The following TANGO6 variants were observed in gnomAD, a reference collection of about 807,000 sequenced individuals.
TANGO6 encodes the protein transport and Golgi organization protein 6 homolog.
In TANGO6, 90 loss-of-function variants were observed where a neutral mutation model predicts 114.2. The observed-to-expected ratio is 0.79, with a 90% CI of 0.66 to 0.94. The LOEUF is 0.94. TANGO6 is among the 40% of genes least tolerant of loss of function. The pLI is 0.00. For missense variants in TANGO6, 1,274 were observed against 1,315.3 expected, an observed-to-expected ratio of 0.97 and a Z score of 0.49; for synonymous variants, 477 against 509.8, an observed-to-expected ratio of 0.94 and a Z score of 0.87.
intron 14 of TANGO6, among the ~76,000 whole-genome samples, chr16:68,937,002 G>C (rs924230453): frequency 2.6e-5 from 4 of 152,220 alleles, no homozygotes; most frequent in Admixed American, 1.3e-4. Flanking sequence ...AGCCCGGAAG[G>C]GGGAAGGTAG....
At chr16:69,005,519 C>T (rs561198893) in intron 15 of TANGO6, among the ~76,000 whole-genome samples, 47 of 152,204 alleles carry the variant, frequency 3.1e-4, no homozygotes, top group African/African-American at 1.0e-3. Flanking sequence ...CGGCCAGGCA[C>T]GGTGGCTCAT....
At chr16:68,955,255 G>A (rs1004821377) in intron 14 of TANGO6, among the ~76,000 whole-genome samples, 1 of 152,192 alleles carries the variant, frequency 6.6e-6, no homozygotes, top group Non-Finnish European at 1.5e-5. Context: ...TATTTAGTTT[G>A]TAAAGTGATT....
chr16:69,008,231 C>G (rs924523309), intron 15 of TANGO6, among the ~76,000 whole-genome samples: 6 of 152,174 alleles, frequency 3.9e-5, no homozygotes, highest in Non-Finnish European at 7.3e-5. Context: ...CACACAGCCT[C>G]CTTCACTATC....
intron 7 of TANGO6, among the ~76,000 whole-genome samples, chr16:68,888,852 G>A (rs893156947): frequency 1.3e-5 from 2 of 152,096 alleles, no homozygotes; most frequent in African/African-American, 4.8e-5. Flanking sequence ...TCGCTCTGTC[G>A]CCCAGGCTGG....
chr16:68,913,468 G>A (rs1002701907), intron 11 of TANGO6, among the ~76,000 whole-genome samples: 2 of 146,114 alleles, frequency 1.4e-5, no homozygotes, highest in Non-Finnish European at 3.0e-5. Flanking sequence ...GAGTGCAGCA[G>A]CGCAATCTCG....
At chr16:68,861,032 A>T (rs9939701) in intron 2 of TANGO6, among the ~76,000 whole-genome samples, 21,279 of 152,140 alleles carry the variant, frequency 0.14, 1,967 homozygotes, top group African/African-American at 0.26. Flanking sequence ...TTAGGGGTAT[A>T]TGCCCATTTT....
At chr16:68,938,917 A>G (rs904795830) in intron 14 of TANGO6, among the ~76,000 whole-genome samples, 1 of 151,858 alleles carries the variant, frequency 6.6e-6, no homozygotes, top group Non-Finnish European at 1.5e-5. Context: ...AGCAGTAAGA[A>G]CAAAGCCGGC....
intron 17 of TANGO6, among the ~76,000 whole-genome samples, chr16:69,067,157 G>A (rs966710655): frequency 5.9e-5 from 9 of 152,236 alleles, no homozygotes; most frequent in African/African-American, 1.2e-4. Flanking sequence ...TTTACCTCCC[G>A]AAGTGCCGGG....
chr16:68,918,594 A>G (rs1963043502), intron 11 of TANGO6, among the ~76,000 whole-genome samples: 1 of 152,260 alleles, frequency 6.6e-6, no homozygotes, highest in African/African-American at 2.4e-5. Flanking sequence ...GGAGTAGCAT[A>G]TTAAAACATT....
intron 17 of TANGO6, among the ~76,000 whole-genome samples, chr16:69,056,005 C>G (rs1960027119): frequency 1.3e-5 from 2 of 151,682 alleles, no homozygotes; most frequent in South Asian, 4.2e-4. Flanking sequence ...TGCCATTGCA[C>G]TCCACCCTGG....
At chr16:69,001,395 A>G (rs1409461067) in intron 15 of TANGO6, among the ~76,000 whole-genome samples, 1 of 152,216 alleles carries the variant, frequency 6.6e-6, no homozygotes, top group Non-Finnish European at 1.5e-5. Context: ...TTAAAAGATT[A>G]TTAGTCATGC....
At chr16:68,875,750 C>G (rs988253577) in intron 5 of TANGO6, among the ~76,000 whole-genome samples, 3 of 144,396 alleles carry the variant, frequency 2.1e-5, no homozygotes, top group Admixed American at 7.1e-5. Context: ...GCCTGGGCAA[C>G]AAGAGTGAAA....
intron 7 of TANGO6, among the ~76,000 whole-genome samples, chr16:68,891,182 C>T (rs1277492133): frequency 6.8e-6 from 1 of 146,030 alleles, no homozygotes; most frequent in African/African-American, 2.6e-5. Flanking sequence ...ATCCCACCTA[C>T]TCAGGAAGCT....
At chr16:69,023,814 T>C (rs1402683181) in intron 16 of TANGO6, among the ~76,000 whole-genome samples, 1 of 152,116 alleles carries the variant, frequency 6.6e-6, no homozygotes, top group Non-Finnish European at 1.5e-5. Context: ...AGGTAATCAG[T>C]AAATTATTGA....
intron 7 of TANGO6, among the ~76,000 whole-genome samples, chr16:68,886,234 A>C (rs1473081525): frequency 1.4e-5 from 2 of 147,684 alleles, no homozygotes; most frequent in African/African-American, 5.0e-5. Flanking sequence ...TTTTTTTCTG[A>C]GACAGAGTCT....
chr16:68,884,406 C>T (rs1962509703), intron 7 of TANGO6, among the ~76,000 whole-genome samples: 1 of 152,068 alleles, frequency 6.6e-6, no homozygotes, highest in Non-Finnish European at 1.5e-5. Flanking sequence ...GGATAGACTT[C>T]TGAAAAGAGG....
intron 1 of TANGO6, among the ~76,000 whole-genome samples, chr16:68,848,158 A>G (rs941689299): frequency 3.3e-5 from 5 of 151,996 alleles, no homozygotes; most frequent in South Asian, 2.1e-4. Context: ...TACAGTGACT[A>G]TTCACAGAAG....
intron 15 of TANGO6, among the ~76,000 whole-genome samples, chr16:68,982,629 C>CATTTTTTTTTTTTTTTTTTTTTTT (rs1567553024): frequency 2.5e-5 from 3 of 120,536 alleles, no homozygotes; most frequent in African/African-American, 1.2e-4. Flanking sequence ...CATGCCCTGG[C>CATTTTTTTTTTTTTTTTTTTTTTT]CTTTTTTTTT....
intron 1 of TANGO6, 121 bp downstream of exon 1, chr16:68,843,832 C>T (rs1961762160): frequency 1.1e-6 from 1 of 888,226 alleles, no homozygotes. Flanking sequence ...CCTCCGCCCG[C>T]TGCTGGGGGC....
Sources: allele counts gnomAD v4.1 joint callset (sites outside exome capture counted in the v4.1 genomes callset), GRCh38; gene constraint gnomAD v4.1.1; transcripts MANE v1.5; gene names NCBI Gene and HGNC (gene_info 2026-07-23, HGNC 2026-07-21).